DICER1: variants seen among roughly 807,000 people sequenced by gnomAD.
DICER1 encodes dicer 1, ribonuclease III, also known as endoribonuclease Dicer.
DICER1 carries 43 observed loss-of-function variants against 194.1 expected under a neutral mutation model. The ratio of observed to expected loss-of-function variants is 0.22; its 90% CI spans 0.17 to 0.29. The LOEUF (loss-of-function observed/expected upper bound fraction) is 0.29. DICER1 is among the 10% of genes least tolerant of loss of function. DICER1 has a pLI of 1.00. For missense variants in DICER1, 1,608 were observed against 2,317.0 expected, an observed-to-expected ratio of 0.69 and a Z score of 6.28; for synonymous variants, 832 against 820.5, an observed-to-expected ratio of 1.01 and a Z score of -0.24.
At chr14:95,100,150 T>C (rs548374543) in intron 21 of DICER1, among the ~76,000 whole-genome samples, 1 of 152,316 alleles carries the variant, frequency 6.6e-6, no homozygotes, top group South Asian at 2.1e-4. Flanking sequence ...GGTGTAAATA[T>C]TTCTGAATAT....
At chr14:95,151,898 C>T (rs189990457) in intron 1 of DICER1, among the ~76,000 whole-genome samples, 344 of 152,312 alleles carry the variant, frequency 2.3e-3, no homozygotes, top group Admixed American at 4.8e-3. Context: ...AATACGACTA[C>T]TACCTTTCTT....
rs533884819 is a variant in DICER1 at position 95,092,881 on chromosome 14, T to A, written c.5364+1007A>T. Among the ~76,000 whole-genome samples, 83 of 152,360 alleles carry A rather than the reference T, an allele frequency of 5.4e-4. 1 individual carries two copies. The highest frequency in any genetic ancestry group is 1.4e-3 in the South Asian group (7 of 4,828). On this transcript the variant is annotated intron_variant, in intron 24 of 26. Coordinates refer to ENST00000343455, the MANE Select transcript of DICER1 (RefSeq NM_177438.3). ...TGGAAGTCTACGAGCTGGTCCCGCC[T>A]TCTCGCCTCACAGCCTGCCACGCTC...
intron 1 of DICER1, among the ~76,000 whole-genome samples, chr14:95,153,204 G>C (rs1171167556): frequency 6.8e-6 from 1 of 147,066 alleles, no homozygotes; most frequent in Non-Finnish European, 1.5e-5. Context: ...GCAACGTAGT[G>C]AGACTCCGTC....
chr14:95,093,258 T>C (rs1274408233), intron 24 of DICER1, among the ~76,000 whole-genome samples: 2 of 152,192 alleles, frequency 1.3e-5, no homozygotes, highest in Non-Finnish European at 2.9e-5. Flanking sequence ...GACACAGGTA[T>C]GCAGATGAAT....
chr14:95,091,210 T>C lies in DICER1; in HGVS notation c.5520A>G (p.Pro1840=), dbSNP rs878855275. Residue 1840 remains proline, a synonymous_variant, in exon 25 of 27, where the codon CCA becomes CCG. Coordinates refer to ENST00000343455, the MANE Select transcript of DICER1 (RefSeq NM_177438.3). ...AAAGGGAGCCAACAATACCTATTAG[T>C]GGCCGCATCATGGGATAGTACACCT... ...VWQVYYPMMR[P]LIEKFSANVP... 6.2e-7 allele frequency: 1 copy of C among 1,614,194 alleles called. No individual in the cohort carries two copies. Among genetic ancestry groups the C allele is most frequent in the Non-Finnish European group, 8.5e-7 (1 of 1,180,024 alleles).
chr14:95,098,195 G>A (rs942970558), intron 22 of DICER1, among the ~76,000 whole-genome samples: 28 of 152,076 alleles, frequency 1.8e-4, no homozygotes, highest in African/African-American at 6.5e-4. Context: ...AAAAGAGTGG[G>A]GTTCTGTCTC....
Position 95,124,171 on chromosome 14 carries a change from G to T in DICER1, c.1376+25C>A. On this transcript the variant is annotated intron_variant, in intron 8 of 26. Coordinates refer to ENST00000343455, the MANE Select transcript of DICER1 (RefSeq NM_177438.3). This position sits in a 1 kb window ranked among gnomAD's most constrained non-coding sequence, Gnocchi z 4.5. ...ACAGGACGCCTCCCTGTTCTCATGTGAAAGGAGTCAACTTACAGATTTACC... is the reference window on the plus strand; with the variant it reads ...ACAGGACGCCTCCCTGTTCTCATGTTAAAGGAGTCAACTTACAGATTTACC... 1.3e-6 allele frequency: 2 copies of T among 1,562,352 alleles called. No individual in the cohort carries two copies. The highest frequency in any genetic ancestry group is 1.8e-6 in the Non-Finnish European group (2 of 1,134,934).
intron 8 of DICER1, among the ~76,000 whole-genome samples, chr14:95,123,581 G>A (rs1237250663): frequency 3.9e-5 from 6 of 152,014 alleles, no homozygotes; most frequent in East Asian, 1.9e-4. Flanking sequence ...CACCACCACC[G>A]GCTAATTTTT....
At chr14:95,156,001 T>A (rs963217928) in intron 1 of DICER1, among the ~76,000 whole-genome samples, 1 of 152,358 alleles carries the variant, frequency 6.6e-6, no homozygotes, top group South Asian at 2.1e-4. Context: ...ATCAATAATA[T>A]TGAAAATTAC....
chr14:95,147,573 A>G (rs1048193760), intron 1 of DICER1, among the ~76,000 whole-genome samples: 3 of 152,262 alleles, frequency 2.0e-5, no homozygotes, highest in African/African-American at 4.8e-5. Flanking sequence ...CACACACCAC[A>G]TAAAATTTCT....
intron 8 of DICER1, among the ~76,000 whole-genome samples, chr14:95,121,330 A>T (rs1892922784): frequency 1.3e-5 from 2 of 152,204 alleles, no homozygotes; most frequent in Non-Finnish European, 2.9e-5. Flanking sequence ...ATAAAAATAA[A>T]TTTTTTGAAA....
At position 95,088,071 on chromosome 14, in the gene DICER1, A is replaced by AG. The variant is rs1444564480; in HGVS notation, c.*2426dup. The AG allele has an allele frequency of 8.6e-6, 2 of 232,892 alleles. No individual in the cohort carries two copies. Among genetic ancestry groups the AG allele is most frequent in the African/African-American group, 4.4e-5 (2 of 45,310 alleles). The allele number at this position is 232,892 out of a possible 1,614,324, so 14.4% of individuals were successfully genotyped here. On this transcript the variant is annotated 3_prime_UTR_variant, in exon 27 of 27. Coordinates refer to ENST00000343455, the MANE Select transcript of DICER1 (RefSeq NM_177438.3). ...TTTTTTATTTTTTAACTCAGTAACC[A>AG]GGGGATCACAGAATGCTTCAAACTG...
At chr14:95,093,823 A>G in intron 24 of DICER1, 65 bp downstream of exon 24, 1 of 1,555,694 alleles carries the variant, frequency 6.4e-7, no homozygotes, top group Non-Finnish European at 8.9e-7. Context: ...TGCCGTCAGA[A>G]CTCTGAAACT....
chr14:95,107,668 G>C lies in DICER1; in HGVS notation c.2744C>G (p.Thr915Arg). Residue 915 changes from threonine to arginine, a missense_variant, in exon 17 of 27, where the codon ACA (threonine) becomes AGA (arginine). Around this residue, in one of 10 missense-constraint regions of DICER1, gnomAD observed 150 missense variants for 216.0 expected, o/e 0.69. Coordinates refer to ENST00000343455, the MANE Select transcript of DICER1 (RefSeq NM_177438.3). ...TTTAAAAACAAAGGGTGTTTCTTTT[G>C]TATACTTTGTACTGGGAATGCCTAT... ...ARIGIPSTKY[T>R]KETPFVFKLE... is the part of the protein sequence containing the mutation. The C allele has an allele frequency of 6.3e-7, 1 of 1,592,724 alleles. No individual in the cohort carries two copies. Among genetic ancestry groups the C allele is most frequent in the Non-Finnish European group, 8.6e-7 (1 of 1,166,746 alleles).
At chr14:95,122,935 C>T (rs1033583159) in intron 8 of DICER1, among the ~76,000 whole-genome samples, 2 of 142,292 alleles carry the variant, frequency 1.4e-5, no homozygotes, top group Non-Finnish European at 3.0e-5. Context: ...CGTGCGTGTA[C>T]GCGCGCGCGC....
chr14:95,126,762 A>G lies in DICER1; in HGVS notation c.735-14T>C. Reference sequence around the variant, plus strand: ...TGAGAAGTATACCTTTAACATAAGAAACAAAAGGTATCAATACTGCAGTAG... The same window carrying G: ...TGAGAAGTATACCTTTAACATAAGAGACAAAAGGTATCAATACTGCAGTAG... On this transcript the variant is annotated splice_polypyrimidine_tract_variant and intron_variant, in intron 6 of 26. Transcript: ENST00000343455. 1 of 1,588,446 alleles carries G rather than the reference A, an allele frequency of 6.3e-7. No individual in the cohort carries two copies.
intron 1 of DICER1, among the ~76,000 whole-genome samples, chr14:95,143,217 T>C (rs1041355089): frequency 6.6e-6 from 1 of 152,156 alleles, no homozygotes; most frequent in Admixed American, 6.5e-5. Flanking sequence ...CTATGTGAGA[T>C]ACAAGGCATT....
Position 95,124,070 on chromosome 14 carries a change from G to A in DICER1, c.1376+126C>T, listed in dbSNP as rs1331142067. The A allele has an allele frequency of 5.6e-6, 4 of 711,190 alleles. No individual in the cohort carries two copies. In the East Asian group the frequency reaches 8.1e-5, roughly 14 times the overall value. The allele number at this position is 711,190 out of a possible 1,614,324, so 44.1% of individuals were successfully genotyped here. On this transcript the variant is annotated intron_variant, in intron 8 of 26. Coordinates refer to ENST00000343455, the MANE Select transcript of DICER1 (RefSeq NM_177438.3). This position sits in a 1 kb window ranked among gnomAD's most constrained non-coding sequence, Gnocchi z 4.5. ...CAGGACAGCATGACGTATCAGCAAT[G>A]ATGGCGCCAAGTCAAGGACACTTAC...
chr14:95,145,414 T>C (rs973446685), intron 1 of DICER1, among the ~76,000 whole-genome samples: 6 of 152,232 alleles, frequency 3.9e-5, no homozygotes, highest in Non-Finnish European at 7.3e-5. Flanking sequence ...CAAAAAATAC[T>C]GTGTACTACT....
Sources: allele counts gnomAD v4.1 joint callset (sites outside exome capture counted in the v4.1 genomes callset), GRCh38; gene constraint gnomAD v4.1.1; regional missense constraint gnomAD v4.1.1; non-coding constraint Gnocchi (gnomAD v3.1); transcripts MANE v1.5; gene names NCBI Gene and HGNC (gene_info 2026-07-23, HGNC 2026-07-21).